NPEPPS: variants seen among roughly 807,000 people sequenced by gnomAD.
NPEPPS encodes puromycin-sensitive aminopeptidase.
NPEPPS carries 14 observed loss-of-function variants against 115.5 expected under a neutral mutation model. The ratio of observed to expected loss-of-function variants is 0.12; its 90% CI spans 0.08 to 0.19. The LOEUF (loss-of-function observed/expected upper bound fraction) is 0.19, where lower values mean the gene tolerates loss of function less well. NPEPPS is among the 10% of genes least tolerant of loss of function. The probability of loss-of-function intolerance (pLI) is 1.00; values close to 1 mark genes in which losing one functional copy is unlikely to be tolerated. For synonymous variants in NPEPPS, 285 were observed against 390.6 expected (o/e 0.73, Z 3.19); for missense variants, 523 against 1,110.8 (o/e 0.47, Z 7.52).
intron 17 of NPEPPS, among the ~76,000 whole-genome samples, chr17:47,610,077 A>G (rs1424299737): frequency 2.0e-5 from 3 of 152,036 alleles, no homozygotes; most frequent in East Asian, 1.9e-4. Context: ...AAAGTATACA[A>G]TTCAGTATTT....
At position 47,548,632 on chromosome 17, in the gene NPEPPS, C is replaced by T. The variant is rs553378408; in HGVS notation, c.340+2639C>T. 1.3e-3 allele frequency among the ~76,000 whole-genome samples: 181 copies of T among 140,320 alleles called. 1 individual carries two copies. The highest frequency in any genetic ancestry group is 3.3e-3 in the African/African-American group (123 of 37,110). 92.1% of individuals were successfully genotyped at this position (140,320 alleles called of 152,430 possible). Reference sequence around the variant, plus strand: ...TTTTTGAGATGGAGTCTCGCTCTGTCGCCAAACGATCTCGGCTTGCTGCAA... The same window carrying T: ...TTTTTGAGATGGAGTCTCGCTCTGTTGCCAAACGATCTCGGCTTGCTGCAA... On this transcript the variant is annotated intron_variant, in intron 2 of 22. Coordinates refer to ENST00000322157, the MANE Select transcript of NPEPPS (RefSeq NM_006310.4).
At chr17:47,611,720 G>T (rs917837707) in intron 17 of NPEPPS, among the ~76,000 whole-genome samples, 20 of 152,138 alleles carry the variant, frequency 1.3e-4, no homozygotes, top group African/African-American at 4.3e-4. Context: ...CGATCCTCTT[G>T]CCTTGGCATC....
At chr17:47,612,680 T>C in intron 18 of NPEPPS, 78 bp downstream of exon 18, 2 of 1,224,416 alleles carry the variant, frequency 1.6e-6, no homozygotes, top group Non-Finnish European at 2.3e-6. Context: ...TTTTTTTTTT[T>C]TGAGACAGAG....
chr17:47,584,678 T>C lies in NPEPPS; in HGVS notation c.649-822T>C, dbSNP rs576472476. Among the ~76,000 whole-genome samples, 5 of 152,110 alleles carry C rather than the reference T, an allele frequency of 3.3e-5. No homozygotes were observed. The South Asian group carries it at 6.2e-4, about 19-fold the overall frequency. ...AGAGCTTGAGGAAACAGAGCCTGAATAGGAAAAAGAGGGAGAACACCAAAG... is the reference window on the plus strand; with the variant it reads ...AGAGCTTGAGGAAACAGAGCCTGAACAGGAAAAAGAGGGAGAACACCAAAG... On this transcript the variant is annotated intron_variant, in intron 5 of 22. Coordinates refer to ENST00000322157, the MANE Select transcript of NPEPPS (RefSeq NM_006310.4).
At chr17:47,531,020 TC>T (rs1907702028), upstream of NPEPPS, 2 of 170,398 alleles carry the variant, frequency 1.2e-5, no homozygotes, top group African/African-American at 4.9e-5. Context: ...GCCCTCGTCC[TC>T]GCCGCTCCGC....
chr17:47,535,123 G>T (rs1908111249), intron 1 of NPEPPS, among the ~76,000 whole-genome samples: 1 of 148,666 alleles, frequency 6.7e-6, no homozygotes. Context: ...GGAGCCTGTA[G>T]TCCCAGCTGC....
At chr17:47,608,934 A>G (rs375002387) in intron 17 of NPEPPS, among the ~76,000 whole-genome samples, 1 of 152,194 alleles carries the variant, frequency 6.6e-6, no homozygotes, top group Non-Finnish European at 1.5e-5. Flanking sequence ...ACAATAATGA[A>G]TTCTCCACTT....
intron 17 of NPEPPS, among the ~76,000 whole-genome samples, chr17:47,609,668 C>T (rs1289907708): frequency 2.0e-5 from 3 of 152,160 alleles, no homozygotes; most frequent in Admixed American, 6.5e-5. Context: ...ACCACATTTC[C>T]ATCACCCAGA....
chr17:47,560,684 G>T (rs1910371244), intron 2 of NPEPPS, among the ~76,000 whole-genome samples: 1 of 152,114 alleles, frequency 6.6e-6, no homozygotes, highest in Non-Finnish European at 1.5e-5. Context: ...TTTCAGCTTT[G>T]TGGAGAAACA....
intron 2 of NPEPPS, among the ~76,000 whole-genome samples, chr17:47,547,323 C>T (rs1221042436): frequency 6.6e-6 from 1 of 151,952 alleles, no homozygotes; most frequent in Non-Finnish European, 1.5e-5. Flanking sequence ...CTTACAAGTA[C>T]ATCAGTATTG....
At chr17:47,619,622 A>G (rs1914417893) in intron 21 of NPEPPS, 115 bp from the exon 22 acceptor site, 3 of 832,956 alleles carry the variant, frequency 3.6e-6, no homozygotes, top group Admixed American at 2.1e-5. Context: ...CCCATCACAC[A>G]TCCTTTATAA....
chr17:47,539,848 T>A (rs1908625240), intron 1 of NPEPPS, among the ~76,000 whole-genome samples: 1 of 152,168 alleles, frequency 6.6e-6, no homozygotes, highest in Non-Finnish European at 1.5e-5. Flanking sequence ...TATAGAACTG[T>A]TCCACCAAGG....
Position 47,538,202 on chromosome 17 carries a change from C to CTTTTTTTTTTTTTTTTTTTTTTTTTTT in NPEPPS, c.255+6670_255+6671insTTTTTTTTTTTTTTTTTTTTTTTTTTT, listed in dbSNP as rs543559258. Among the ~76,000 whole-genome samples, 4 of 58,498 alleles carry CTTTTTTTTTTTTTTTTTTTTTTTTTTT rather than the reference C, an allele frequency of 6.8e-5. 1 individual carries two copies. The highest frequency in any genetic ancestry group is 0.05 in the Middle Eastern group (2 of 40). The allele number at this position is 58,498 out of a possible 152,430, so 38.4% of individuals were successfully genotyped here. On this transcript the variant is annotated intron_variant, in intron 1 of 22. Coordinates refer to ENST00000322157, the MANE Select transcript of NPEPPS (RefSeq NM_006310.4). ...GCCACCGCGCCTAGCCATATCTGTT[C>CTTTTTTTTTTTTTTTTTTTTTTTTTTT]TTTTTTTTTTTTTTTTTTTTTTTGA...
At chr17:47,545,296 C>A (rs1444641945) in intron 1 of NPEPPS, among the ~76,000 whole-genome samples, 2 of 152,114 alleles carry the variant, frequency 1.3e-5, no homozygotes, top group Non-Finnish European at 2.9e-5. Flanking sequence ...TGTGCCCAGC[C>A]CTTTAATAGT....
intron 18 of NPEPPS, among the ~76,000 whole-genome samples, chr17:47,613,422 A>C (rs375276147): frequency 2.2e-4 from 34 of 151,542 alleles, no homozygotes; most frequent in African/African-American, 8.2e-4. Flanking sequence ...ACCTGCTACC[A>C]CGCCCAGCTA....
chr17:47,528,897 A>T (rs1214319851), upstream of NPEPPS, among the ~76,000 whole-genome samples: 2 of 151,918 alleles, frequency 1.3e-5, no homozygotes, highest in African/African-American at 2.4e-5. Context: ...TGGCCTCCCA[A>T]AGTGCTGGGA....
chr17:47,539,667 G>T (rs1908611288), intron 1 of NPEPPS, among the ~76,000 whole-genome samples: 1 of 152,066 alleles, frequency 6.6e-6, no homozygotes, highest in South Asian at 2.1e-4. Flanking sequence ...AACTTTAATT[G>T]CATATTAGTA....
intron 5 of NPEPPS, among the ~76,000 whole-genome samples, chr17:47,583,354 G>A (rs1454034817): frequency 1.3e-5 from 2 of 152,048 alleles, no homozygotes; most frequent in African/African-American, 4.8e-5. Flanking sequence ...GGAAGTCAAG[G>A]TAGGCAGATC....
rs1358520416 is a variant in NPEPPS at position 47,621,776 on chromosome 17, C to T, written c.2616C>T (p.Phe872=). 6.2e-6 allele frequency: 10 copies of T among 1,607,720 alleles called. No homozygotes were observed. The highest frequency in any genetic ancestry group is 1.7e-5 in the Admixed American group (1 of 59,748). Residue 872 remains phenylalanine (F), a synonymous_variant, in exon 23 of 23, where the codon TTC becomes TTT. Coordinates refer to ENST00000322157, the MANE Select transcript of NPEPPS (RefSeq NM_006310.4). Reference sequence around the variant, plus strand: ...GGGTTGTTTTATACCAGGCTTTCTTCGAGAGTCACCCAGCTCCTTCAGCTG... The same window carrying T: ...GGGTTGTTTTATACCAGGCTTTCTTTGAGAGTCACCCAGCTCCTTCAGCTG... ...DKMAGEVKAF[F]ESHPAPSAER...
Sources: allele counts gnomAD v4.1 joint callset (sites outside exome capture counted in the v4.1 genomes callset), GRCh38; gene constraint gnomAD v4.1.1; transcripts MANE v1.5; gene names NCBI Gene and HGNC (gene_info 2026-07-23, HGNC 2026-07-21).